The following CATSPERD variants were observed in gnomAD, a reference collection of about 807,000 sequenced individuals.
The protein encoded by CATSPERD is catsper channel auxiliary subunit delta.
Under a neutral mutation model 98.1 loss-of-function variants are expected in CATSPERD, and 86 were observed. The observed-to-expected ratio is 0.88, with a 90% confidence interval of 0.74 to 1.05. The LOEUF is 1.05. Among genes scored for constraint, CATSPERD ranks in the 50% least tolerant of loss-of-function variants. The pLI is 0.00. For synonymous variants in CATSPERD, 394 were observed against 390.2 expected, an observed-to-expected ratio of 1.01 and a Z score of -0.12; for missense variants, 995 against 1,005.7, an observed-to-expected ratio of 0.99 and a Z score of 0.14.
Position 5,757,862 on chromosome 19 carries a change from A to G in CATSPERD, c.1298A>G (p.His433Arg), listed in dbSNP as rs7255057. Residue 433 changes from histidine (H) to arginine (R), a missense_variant, in exon 14 of 22, where the codon CAC (histidine) becomes CGC (arginine). By Grantham distance (29) the His-to-Arg change is conservative (BLOSUM62 0). Coordinates refer to ENST00000381624, the MANE Select transcript of CATSPERD (RefSeq NM_152784.4). ...TCCCAGGTGATGGTGAGCAACCCCC[A>G]CTCCCTGGGGTTCCAGGCCACCTTC... ...LIPLVMVSNP[H>R]SLGFQATFYE... 3.1e-6 allele frequency: 5 copies of G among 1,612,232 alleles called. No homozygotes were observed. The African/African-American group carries it at 6.7e-5, about 22-fold the overall frequency.
intron 8 of CATSPERD, 110 bp from the exon 9 acceptor site, chr19:5,745,799 GCTTT>G (rs1182073713): frequency 2.1e-6 from 2 of 967,632 alleles, no homozygotes; most frequent in Admixed American, 2.6e-5. Flanking sequence ...TGGCTTCTTT[GCTTT>G]CTTTGCTTTC....
chr19:5,728,510 G>A (rs997344681), intron 3 of CATSPERD, among the ~76,000 whole-genome samples: 1 of 151,724 alleles, frequency 6.6e-6, no homozygotes, highest in African/African-American at 2.4e-5. Flanking sequence ...TGAGCCATGA[G>A]CACACCATTG....
At position 5,772,944 on chromosome 19, in the gene CATSPERD, G is replaced by A. The variant is rs368470182; in HGVS notation, c.1920G>A (p.Gly640=). 81 of 1,613,776 alleles carry A rather than the reference G, an allele frequency of 5.0e-5. No individual in the cohort carries two copies. The highest frequency in any genetic ancestry group is 5.6e-5 in the Non-Finnish European group (66 of 1,179,936). Residue 640 remains glycine (G), a synonymous_variant, in exon 20 of 22, where the codon GGG becomes GGA. Transcript: ENST00000381624. ...CCACCATGATAAAGGAATTCGGGGG[G>A]CCCTTCTTCTGGAACAGAGAGGTAA... ...NWTTMIKEFG[G]PFFWNRENYV...
chr19:5,744,865 G>T (rs12985899), intron 8 of CATSPERD, among the ~76,000 whole-genome samples: 55,680 of 151,618 alleles, frequency 0.37, 10,840 homozygotes, highest in East Asian at 0.73. Flanking sequence ...CCTCCCAAAG[G>T]CCTGGGATTA....
chr19:5,765,117 C>T (rs919045759), intron 16 of CATSPERD, among the ~76,000 whole-genome samples: 2 of 152,100 alleles, frequency 1.3e-5, no homozygotes, highest in Non-Finnish European at 2.9e-5. Flanking sequence ...CTATGTTGCC[C>T]AGACTGGTCT....
intron 20 of CATSPERD, among the ~76,000 whole-genome samples, chr19:5,774,690 A>T (rs1186036090): frequency 6.6e-6 from 1 of 151,538 alleles, no homozygotes; most frequent in Non-Finnish European, 1.5e-5. Context: ...CTGTTTCTCA[A>T]AAAAGTAACA....
At chr19:5,735,875 G>A (rs1426101577) in intron 5 of CATSPERD, among the ~76,000 whole-genome samples, 1 of 151,016 alleles carries the variant, frequency 6.6e-6, no homozygotes, top group Non-Finnish European at 1.5e-5. Flanking sequence ...CCGCCTCCTG[G>A]GTTCATGCCA....
intron 10 of CATSPERD, 126 bp from the exon 11 acceptor site, chr19:5,748,975 C>T: frequency 1.6e-6 from 1 of 612,014 alleles, no homozygotes; most frequent in South Asian, 1.7e-5. Context: ...AGTGATCCAC[C>T]CCCCTCGGCC....
Position 5,734,066 on chromosome 19 carries a change from G to T in CATSPERD, c.391+96G>T, listed in dbSNP as rs2055790811. The T allele has an allele frequency of 5.6e-6, 4 of 713,750 alleles. No individual in the cohort carries two copies. In the South Asian group the frequency reaches 7.4e-5, roughly 13 times the overall value. 44.2% of individuals were successfully genotyped at this position (713,750 alleles called of 1,614,324 possible). On this transcript the variant is annotated intron_variant, in intron 5 of 21. Coordinates refer to ENST00000381624, the MANE Select transcript of CATSPERD (RefSeq NM_152784.4). ...GAAGTATAAGCGATGCTCCTACTTG[G>T]ATGTCAACCCCAGGACATTACTTTG...
chr19:5,728,106 T>C (rs2055641759), intron 3 of CATSPERD, among the ~76,000 whole-genome samples: 1 of 149,696 alleles, frequency 6.7e-6, no homozygotes, highest in African/African-American at 2.5e-5. Context: ...ACCTCTGTAA[T>C]CCCAGCACTT....
chr19:5,771,543 G>A (rs1425272673), intron 19 of CATSPERD, among the ~76,000 whole-genome samples: 6 of 151,392 alleles, frequency 4.0e-5, no homozygotes, highest in Admixed American at 4.0e-4. Flanking sequence ...CGGCCGATGG[G>A]CTTTTCTTTA....
At position 5,759,139 on chromosome 19, in the gene CATSPERD, T is replaced by A. The variant is rs2056385366; in HGVS notation, c.1422T>A (p.Thr474=). The part of the protein sequence containing the change: ...QHWGRTDSNF[T]SSLKKATMST... ...GGGGCAGGACCGACTCCAACTTCAC[T>A]TCCAGGTATGTTGTCTCCTGGGAGA... The change falls in exon 15 of 22, where the codon ACT becomes ACA. Residue 474 remains threonine (T), a synonymous_variant. Transcript: ENST00000381624. 6.2e-7 allele frequency: 1 copy of A among 1,613,864 alleles called. No homozygotes were observed. The highest frequency in any genetic ancestry group is 1.3e-5 in the African/African-American group (1 of 74,990).
intron 3 of CATSPERD, among the ~76,000 whole-genome samples, chr19:5,728,514 A>C (rs1014349848): frequency 6.6e-6 from 1 of 151,844 alleles, no homozygotes; most frequent in Admixed American, 6.6e-5. Flanking sequence ...CCATGAGCAC[A>C]CCATTGTACC....
At chr19:5,754,387 CT>C in intron 13 of CATSPERD, 142 bp downstream of exon 13, 8 of 381,784 alleles carry the variant, frequency 2.1e-5, no homozygotes, top group Non-Finnish European at 3.4e-5. Flanking sequence ...GAAATTGTCT[CT>C]GTGTCTTTTT....
chr19:5,752,474 C>G (rs895892012), intron 12 of CATSPERD, among the ~76,000 whole-genome samples: 1 of 151,556 alleles, frequency 6.6e-6, no homozygotes, highest in East Asian at 2.0e-4. Flanking sequence ...ATCCTCGTTT[C>G]TAAAACACTA....
At chr19:5,741,261 C>G (rs941502195) in intron 7 of CATSPERD, among the ~76,000 whole-genome samples, 4 of 152,086 alleles carry the variant, frequency 2.6e-5, no homozygotes, top group Non-Finnish European at 4.4e-5. Flanking sequence ...TTATGTCAAC[C>G]TGGAACTTCA....
chr19:5,756,329 G>A (rs1403337389), intron 13 of CATSPERD, among the ~76,000 whole-genome samples: 4 of 151,636 alleles, frequency 2.6e-5, no homozygotes, highest in Non-Finnish European at 4.4e-5. Flanking sequence ...AAATTTAAAA[G>A]TAGGTAAATT....
chr19:5,740,264 A>G (rs984190401), intron 7 of CATSPERD, among the ~76,000 whole-genome samples: 32 of 150,436 alleles, frequency 2.1e-4, no homozygotes, highest in African/African-American at 7.6e-4. Flanking sequence ...CTGGGCAACA[A>G]GAGCAAAACA....
chr19:5,778,696 A>C lies in CATSPERD; in HGVS notation c.*20A>C. 1 of 1,590,752 alleles carries C rather than the reference A, an allele frequency of 6.3e-7. No individual in the cohort carries two copies. Among genetic ancestry groups the C allele is most frequent in the Non-Finnish European group, 8.6e-7 (1 of 1,168,008 alleles). ...CACTGAGGCCGGTCCACAGGGTCCC[A>C]ACCCCTTGTCTTCAAATAAAGTATA... is the stretch of plus-strand genomic sequence containing the variant. On this transcript the variant is annotated 3_prime_UTR_variant, in exon 22 of 22. Transcript: ENST00000381624.
Sources: gnomAD v4.1 joint callset for allele counts (sites outside exome capture counted in the v4.1 genomes callset) on GRCh38, gnomAD v4.1.1 for gene constraint, MANE v1.5 for transcripts, NCBI Gene and HGNC (gene_info 2026-07-23, HGNC 2026-07-21) for gene names.